Variants in PLEKHA1 observed in about 807,000 individuals in gnomAD.
The protein encoded by PLEKHA1 is pleckstrin homology domain-containing family A member 1.
PLEKHA1 carries 34 observed loss-of-function variants against 52.0 expected under a neutral mutation model. That is an observed-to-expected ratio of 0.65 (90% CI 0.50 to 0.87). The LOEUF (loss-of-function observed/expected upper bound fraction) is 0.87, where lower values mean the gene tolerates loss of function less well. Ranked by LOEUF, PLEKHA1 falls within the 40% of genes least tolerant of loss-of-function variation. PLEKHA1 has a pLI of 0.00. For missense variants in PLEKHA1, 497 were observed against 504.2 expected (o/e 0.99, Z 0.14); for synonymous variants, 163 against 170.7 (o/e 0.95, Z 0.35).
At chr10:122,436,883 C>G (rs1360237378), downstream of PLEKHA1, 1 of 151,842 alleles carries the variant, frequency 6.6e-6, no homozygotes, top group African/African-American at 2.4e-5. Context: ...GGCTCCATTG[C>G]CTCTTTCCCT....
rs1343620442 is a variant in PLEKHA1, at chr10:122,413,053, A to C, written c.468+8A>C. The C allele has an allele frequency of 6.2e-7, 1 of 1,610,394 alleles. No homozygotes were observed. Among genetic ancestry groups the C allele is most frequent in the Non-Finnish European group, 8.5e-7 (1 of 1,177,608 alleles). On this transcript the variant is annotated splice_region_variant and intron_variant, in intron 6 of 11. Coordinates refer to ENST00000368990, the MANE Select transcript of PLEKHA1 (RefSeq NM_001001974.4). ...ATCATTACTCCCACTCAGGTAATTA[A>C]GTAACTCTTCTATTGTGTGAGGGTC...
At chr10:122,383,313 G>GTTTTTTTTTTTTT (rs58485855) in intron 1 of PLEKHA1, among the ~76,000 whole-genome samples, 2 of 128,390 alleles carry the variant, frequency 1.6e-5, no homozygotes, top group Non-Finnish European at 1.6e-5. Flanking sequence ...CTTTCTTTCT[G>GTTTTTTTTTTTTT]TTTTTTTTTT....
intron 1 of PLEKHA1, among the ~76,000 whole-genome samples, chr10:122,388,248 G>A (rs12267573): frequency 0.062 from 9,433 of 152,166 alleles, 1,024 homozygotes; most frequent in African/African-American, 0.22. Context: ...CATATAAATA[G>A]AATCATACAA....
intron 1 of PLEKHA1, among the ~76,000 whole-genome samples, chr10:122,389,623 T>C (rs1245903484): frequency 2.0e-5 from 3 of 152,096 alleles, no homozygotes; most frequent in African/African-American, 4.8e-5. Context: ...GGCAGGAGAA[T>C]TGCTTGAACC....
At chr10:122,414,220 A>G (rs1353286414) in intron 6 of PLEKHA1, among the ~76,000 whole-genome samples, 1 of 152,070 alleles carries the variant, frequency 6.6e-6, no homozygotes. Flanking sequence ...ATAAGGGGTA[A>G]GACTATTTTC....
intron 5 of PLEKHA1, 37 bp from the exon 6 acceptor site, chr10:122,412,883 C>T (rs2097126685): frequency 1.9e-5 from 31 of 1,608,544 alleles, no homozygotes; most frequent in Non-Finnish European, 2.6e-5. Context: ...ATGTATAATG[C>T]TGGTTGCAAA....
intron 1 of PLEKHA1, among the ~76,000 whole-genome samples, chr10:122,383,205 C>G (rs544421611): frequency 6.6e-6 from 1 of 152,266 alleles, no homozygotes; most frequent in South Asian, 2.1e-4. Flanking sequence ...AACTACCAAC[C>G]CTGCCACCAG....
chr10:122,440,829 G>A, the PLEKHA1 span: 2 of 152,134 alleles, frequency 1.3e-5, no homozygotes, highest in African/African-American at 2.4e-5. Context: ...AAATGCAAAC[G>A]AATTCTAGTA....
At chr10:122,415,458 ATAAAGTTTGTGGG>A (rs2097160695) in intron 6 of PLEKHA1, among the ~76,000 whole-genome samples, 1 of 151,674 alleles carries the variant, frequency 6.6e-6, no homozygotes, top group Non-Finnish European at 1.5e-5. Flanking sequence ...TGGAATCCGA[ATAAAGTTTGTGGG>A]TTGTGCCAAT....
At position 122,424,171 on chromosome 10, in the gene PLEKHA1, GTTTTTTTT is replaced by G. The variant is rs34058512; in HGVS notation, c.682-13_682-6del. The G allele has an allele frequency of 4.0e-5, 38 of 955,750 alleles. No individual in the cohort carries two copies. The highest frequency in any genetic ancestry group is 7.9e-5 in the East Asian group (2 of 25,394). 59.2% of individuals were successfully genotyped at this position (955,750 alleles called of 1,614,324 possible). A position where few individuals can be genotyped will look rare whatever the true frequency, so the allele number is the denominator to read the frequency against. On this transcript the variant is annotated intron_variant, in intron 8 of 11. Coordinates refer to ENST00000368990, the MANE Select transcript of PLEKHA1 (RefSeq NM_001001974.4). ...TTTTAAGAATAAACATCATGTAACT[GTTTTTTTT>G]TTTTTTTTTTTTTTGCCAGGAAAAG...
At chr10:122,396,068 G>A (rs1041628286) in intron 2 of PLEKHA1, among the ~76,000 whole-genome samples, 4 of 124,398 alleles carry the variant, frequency 3.2e-5, no homozygotes, top group Admixed American at 8.9e-5. Context: ...CAGAAACTGC[G>A]TATTTTGAAT....
At chr10:122,384,909 A>C (rs1023504346) in intron 1 of PLEKHA1, among the ~76,000 whole-genome samples, 1 of 152,166 alleles carries the variant, frequency 6.6e-6, no homozygotes. Context: ...TGAGCCGAGT[A>C]TCACGCGACT....
chr10:122,417,692 A>G (rs564073329), intron 7 of PLEKHA1, among the ~76,000 whole-genome samples: 3 of 152,132 alleles, frequency 2.0e-5, no homozygotes, highest in Admixed American at 1.3e-4. Flanking sequence ...AAAAGATGAA[A>G]GCCAGGCACC....
chr10:122,406,540 T>A (rs1195273268), intron 4 of PLEKHA1, 36 bp from the exon 5 acceptor site: 1 of 1,504,800 alleles, frequency 6.6e-7, no homozygotes, highest in African/African-American at 1.4e-5. Flanking sequence ...AGGTAATAAG[T>A]ACAATATTTG....
chr10:122,401,706 G>T (rs1242611710), intron 4 of PLEKHA1, among the ~76,000 whole-genome samples: 1 of 152,150 alleles, frequency 6.6e-6, no homozygotes, highest in Non-Finnish European at 1.5e-5. Context: ...AAAGTGGGTG[G>T]TAGTCGAAGC....
chr10:122,425,403 ATTATT>A (rs1357672099), intron 10 of PLEKHA1: 1 of 152,610 alleles, frequency 6.6e-6, no homozygotes, highest in Admixed American at 6.5e-5. Flanking sequence ...ACTTCATTGA[ATTATT>A]TAAATGGAAA....
chr10:122,421,903 A>G (rs188962768), intron 8 of PLEKHA1: 246 of 151,652 alleles, frequency 1.6e-3, no homozygotes, highest in African/African-American at 5.9e-3. Context: ...AACAAAAGGA[A>G]TCAGGAACCC....
At chr10:122,428,474 T>TA in intron 11 of PLEKHA1, 1 of 1,301,740 alleles carries the variant, frequency 7.7e-7, no homozygotes, top group East Asian at 2.9e-5. Flanking sequence ...TTGTCAATAC[T>TA]AACGCAAACT....
At chr10:122,435,423 G>A (rs1023550526), downstream of PLEKHA1, 2 of 152,004 alleles carry the variant, frequency 1.3e-5, no homozygotes, top group Non-Finnish European at 1.5e-5. Flanking sequence ...TGGTAATAGC[G>A]CCACCTTCTG....
Sources: gnomAD v4.1 joint callset for allele counts (sites outside exome capture counted in the v4.1 genomes callset) on GRCh38, gnomAD v4.1.1 for gene constraint, MANE v1.5 for transcripts, NCBI Gene and HGNC (gene_info 2026-07-23, HGNC 2026-07-21) for gene names.